Variants in RBM25 observed in about 807,000 individuals in gnomAD.
RBM25 encodes RNA binding motif protein 25, also known as RNA-binding protein 25.
In RBM25, 19 loss-of-function variants were observed where a neutral mutation model predicts 120.7. The observed-to-expected ratio is 0.16, with a 90% CI of 0.11 to 0.23. RBM25 has a LOEUF of 0.23. Among genes scored for constraint, RBM25 ranks in the 10% least tolerant of loss-of-function variants. The pLI, the probability that RBM25 is intolerant of heterozygous loss-of-function variation, is 1.00. For missense variants in RBM25, 605 were observed against 1,041.5 expected, an observed-to-expected ratio of 0.58 and a Z score of 5.77; for synonymous variants, 390 against 326.7, an observed-to-expected ratio of 1.19 and a Z score of -2.09.
At chr14:73,066,553 A>G (rs1284356830) in intron 1 of RBM25, among the ~76,000 whole-genome samples, 4 of 151,064 alleles carry the variant, frequency 2.6e-5, no homozygotes, top group African/African-American at 9.7e-5. Context: ...TGGGAGGCTG[A>G]GGCAGGAGAA....
In RBM25 at chr14:73,074,710, T is replaced by G. The variant is rs373699098; in HGVS notation, c.107-1609T>G. On this transcript the variant is annotated intron_variant, in intron 2 of 18. Coordinates refer to ENST00000261973, the MANE Select transcript of RBM25 (RefSeq NM_021239.3). ...GATTTTAAATTTCTTTGATTTTTTTTTTTGTTTGTTTTGCTTTTTTTGAGA... is the reference window on the plus strand; with the variant it reads ...GATTTTAAATTTCTTTGATTTTTTTGTTTGTTTGTTTTGCTTTTTTTGAGA... Among the ~76,000 whole-genome samples the G allele has an allele frequency of 1.1e-3, 167 of 152,146 alleles. 4 individuals carry two copies. In the Middle Eastern group the frequency reaches 0.041, roughly 37 times the overall value.
chr14:73,096,623 GA>G (rs112343596), intron 6 of RBM25, among the ~76,000 whole-genome samples: 15 of 152,276 alleles, frequency 9.9e-5, no homozygotes, highest in African/African-American at 3.6e-4. Context: ...AAAACAGTCT[GA>G]AAACTTGTGA....
rs776496360 is a variant in RBM25 at position 73,110,939 on chromosome 14, A to G, written c.1801A>G (p.Met601Val). 8 of 1,612,428 alleles carry G rather than the reference A, an allele frequency of 5.0e-6. No homozygotes were observed. Among genetic ancestry groups the G allele is most frequent in the Middle Eastern group, 1.6e-4 (1 of 6,082 alleles). Reference sequence around the variant, plus strand: ...AAAAGAAGAAAAACGAGAAGAACCCATGGAAGAGGAAGAGGAGCCAGAGCA... The same window carrying G: ...AAAAGAAGAAAAACGAGAAGAACCCGTGGAAGAGGAAGAGGAGCCAGAGCA... The part of the protein sequence containing the change: ...QEKEEKREEP[M>V]EEEEEPEQKP... Residue 601 changes from methionine to valine, a missense_variant, in exon 15 of 19, where the codon ATG becomes GTG. Transcript: ENST00000261973.
At chr14:73,089,013 G>A (rs556190173) in intron 6 of RBM25, among the ~76,000 whole-genome samples, 1 of 152,122 alleles carries the variant, frequency 6.6e-6, no homozygotes, top group South Asian at 2.1e-4. Context: ...GTTGTGGTGG[G>A]TGCCTGTAAT....
chr14:73,083,665 A>G, intron 5 of RBM25, 114 bp downstream of exon 5: 1 of 647,190 alleles, frequency 1.5e-6, no homozygotes, highest in Non-Finnish European at 2.4e-6. Context: ...TTTTATTAGC[A>G]CTCTTTGTCC....
At chr14:73,089,141 C>A (rs940951950) in intron 6 of RBM25, among the ~76,000 whole-genome samples, 3 of 151,978 alleles carry the variant, frequency 2.0e-5, no homozygotes, top group African/African-American at 7.3e-5. Flanking sequence ...AACTCTGTCT[C>A]CCTGCTGCCA....
At chr14:73,111,906 A>C (rs531223820) in intron 16 of RBM25, 104 bp downstream of exon 16, 3 of 1,350,390 alleles carry the variant, frequency 2.2e-6, no homozygotes, top group Admixed American at 4.9e-5. Flanking sequence ...ATTAATGACA[A>C]ATAAGTAGGG....
chr14:73,108,470 A>G (rs1896237345), intron 13 of RBM25, among the ~76,000 whole-genome samples: 1 of 152,230 alleles, frequency 6.6e-6, no homozygotes, highest in Admixed American at 6.5e-5. Flanking sequence ...AAATTGATAC[A>G]TTATTGTGAA....
rs534678617 is a variant in RBM25 at position 73,087,238 on chromosome 14, A to G, written c.383-763A>G. Among the ~76,000 whole-genome samples the G allele has an allele frequency of 2.1e-3, 322 of 152,306 alleles. 1 individual carries two copies. The highest frequency in any genetic ancestry group is 7.3e-3 in the African/African-American group (305 of 41,556). On this transcript the variant is annotated intron_variant, in intron 5 of 18. Coordinates refer to ENST00000261973, the MANE Select transcript of RBM25 (RefSeq NM_021239.3). ...TGAGATTGACTAGTTATAAAAGGAAATAGATGTAAGTAAAATAGACTGGTA... is the reference window on the plus strand; with the variant it reads ...TGAGATTGACTAGTTATAAAAGGAAGTAGATGTAAGTAAAATAGACTGGTA...
intron 18 of RBM25, among the ~76,000 whole-genome samples, chr14:73,118,916 C>T (rs1175471887): frequency 5.3e-5 from 8 of 151,780 alleles, no homozygotes; most frequent in African/African-American, 1.2e-4. Flanking sequence ...TTACAGGTGC[C>T]GGCCACCATG....
intron 7 of RBM25, among the ~76,000 whole-genome samples, chr14:73,098,267 C>T (rs1326917013): frequency 6.6e-6 from 1 of 152,102 alleles, no homozygotes; most frequent in Non-Finnish European, 1.5e-5. Flanking sequence ...GAAGCTGAGA[C>T]TATAGGCATG....
rs1650834169 is a variant in RBM25, at chr14:73,114,414, G to T, written c.2439+81G>T. On this transcript the variant is annotated intron_variant, in intron 18 of 18. Transcript: ENST00000261973. ...TTTTTTGTCTTAAAATATAGATGGG[G>T]TCTCACCACGTTGCCCAGGGTAGTC... The T allele has an allele frequency of 7.1e-6, 7 of 983,178 alleles. No homozygotes were observed. In the Admixed American group the frequency reaches 1.4e-4, roughly 19 times the overall value. 60.9% of individuals were successfully genotyped at this position (983,178 alleles called of 1,614,324 possible).
intron 4 of RBM25, among the ~76,000 whole-genome samples, chr14:73,079,496 T>C (rs1360970853): frequency 2.7e-5 from 4 of 150,596 alleles, no homozygotes; most frequent in Non-Finnish European, 6.0e-5. Context: ...TCATTCTTCG[T>C]CTGTATCCCA....
intron 4 of RBM25, among the ~76,000 whole-genome samples, chr14:73,080,861 G>C (rs1895545340): frequency 6.9e-6 from 1 of 144,724 alleles, no homozygotes; most frequent in African/African-American, 2.6e-5. Context: ...GTCTCACTCT[G>C]TTATCCAGGC....
intron 10 of RBM25, among the ~76,000 whole-genome samples, chr14:73,103,992 ACACT>A (rs1344594106): frequency 9.2e-4 from 105 of 113,594 alleles, no homozygotes; most frequent in East Asian, 7.1e-3. Context: ...ACACACACAC[ACACT>A]CTCTCTCTCT....
chr14:73,110,210 T>C (rs1443467830), intron 14 of RBM25, among the ~76,000 whole-genome samples: 2 of 146,180 alleles, frequency 1.4e-5, no homozygotes, highest in African/African-American at 5.1e-5. Flanking sequence ...TGAGACAGAG[T>C]CTGGCTTTGT....
intron 17 of RBM25, among the ~76,000 whole-genome samples, chr14:73,112,943 A>G (rs556644559): frequency 1.3e-5 from 2 of 152,184 alleles, no homozygotes; most frequent in Admixed American, 6.5e-5. Context: ...AGCCGGAACT[A>G]TAGGCATATG....
chr14:73,105,038 T>TACACACACACACACAG (rs1555346299), intron 10 of RBM25, among the ~76,000 whole-genome samples: 1 of 141,146 alleles, frequency 7.1e-6, no homozygotes, highest in Non-Finnish European at 1.5e-5. Context: ...ACATATTAAA[T>TACACACACACACACAG]ACACACACAC....
At chr14:73,076,296 C>T (rs1240333816) in intron 2 of RBM25, 23 bp from the exon 3 acceptor site, 2 of 1,592,972 alleles carry the variant, frequency 1.3e-6, no homozygotes, top group Admixed American at 3.3e-5. Flanking sequence ...CATGTAAAAT[C>T]AGTGTGGTTT....
Sources: allele counts gnomAD v4.1 joint callset (sites outside exome capture counted in the v4.1 genomes callset), GRCh38; gene constraint gnomAD v4.1.1; transcripts MANE v1.5; gene names NCBI Gene and HGNC (gene_info 2026-07-23, HGNC 2026-07-21).